The following GPC5 variants were observed in gnomAD, a reference collection of about 807,000 sequenced individuals.
GPC5 encodes the protein glypican-5.
GPC5 carries 47 observed loss-of-function variants against 53.9 expected under a neutral mutation model. The ratio of observed to expected loss-of-function variants is 0.87; its 90% confidence interval spans 0.69 to 1.11. The LOEUF (loss-of-function observed/expected upper bound fraction) is 1.11. Among genes scored for constraint, GPC5 ranks in the 50% most tolerant of loss-of-function variants. The probability of loss-of-function intolerance (pLI) is 0.00; values close to 1 mark genes in which losing one functional copy is unlikely to be tolerated. For missense variants in GPC5, 748 were observed against 713.1 expected, an observed-to-expected ratio of 1.05 and a Z score of -0.56; for synonymous variants, 286 against 263.3, an observed-to-expected ratio of 1.09 and a Z score of -0.84.
intron 7 of GPC5, among the ~76,000 whole-genome samples, chr13:92,618,161 A>C (rs912689748): frequency 1.3e-5 from 2 of 152,136 alleles, no homozygotes; most frequent in Non-Finnish European, 2.9e-5. Flanking sequence ...ACCTATAAAA[A>C]ATAAGGGAAA....
chr13:92,309,257 T>G (rs1044809686), intron 7 of GPC5, among the ~76,000 whole-genome samples: 2 of 152,046 alleles, frequency 1.3e-5, no homozygotes, highest in Non-Finnish European at 2.9e-5. Context: ...ATACACATAG[T>G]TCCTTCACTA....
At chr13:91,856,662 G>C (rs1344487355) in intron 5 of GPC5, among the ~76,000 whole-genome samples, 1 of 150,958 alleles carries the variant, frequency 6.6e-6, no homozygotes, top group Non-Finnish European at 1.5e-5. Context: ...TTGATGTGTA[G>C]GATTTCTTTA....
intron 5 of GPC5, among the ~76,000 whole-genome samples, chr13:91,767,434 T>G (rs796736348): frequency 1.8e-4 from 28 of 152,356 alleles, no homozygotes; most frequent in African/African-American, 6.7e-4. Context: ...GAATGTTCAC[T>G]CACTGGTTAG....
intron 7 of GPC5, among the ~76,000 whole-genome samples, chr13:92,399,888 TCC>T (rs1875479659): frequency 6.6e-6 from 1 of 152,318 alleles, no homozygotes; most frequent in South Asian, 2.1e-4. Flanking sequence ...TTACTTGTTT[TCC>T]CAGGAGTATT....
chr13:92,519,789 C>G (rs955922715), intron 7 of GPC5, among the ~76,000 whole-genome samples: 1 of 151,526 alleles, frequency 6.6e-6, no homozygotes, highest in Non-Finnish European at 1.5e-5. Flanking sequence ...AGAGAAGAAC[C>G]GAAGGAGATA....
intron 2 of GPC5, among the ~76,000 whole-genome samples, chr13:91,501,862 A>T (rs1375196885): frequency 6.6e-6 from 1 of 152,230 alleles, no homozygotes; most frequent in Non-Finnish European, 1.5e-5. Flanking sequence ...AGTTCCACCA[A>T]CAGTGTAAAA....
At chr13:92,291,871 G>T (rs998668092) in intron 7 of GPC5, among the ~76,000 whole-genome samples, 5 of 152,132 alleles carry the variant, frequency 3.3e-5, no homozygotes. Flanking sequence ...AAGGTCTGCA[G>T]CTTCACTCTT....
At chr13:91,796,130 A>G (rs1162098328) in intron 5 of GPC5, among the ~76,000 whole-genome samples, 3 of 151,802 alleles carry the variant, frequency 2.0e-5, no homozygotes, top group Non-Finnish European at 4.4e-5. Flanking sequence ...ATCTGGGGCC[A>G]TGTGGTGAGT....
At chr13:91,697,318 G>A (rs1015645029) in intron 3 of GPC5, among the ~76,000 whole-genome samples, 2 of 151,792 alleles carry the variant, frequency 1.3e-5, no homozygotes, top group Admixed American at 1.3e-4. Context: ...AATTTTTGTA[G>A]TTTTAGTAGA....
chr13:92,842,448 G>A (rs1050300796), intron 7 of GPC5, among the ~76,000 whole-genome samples: 6 of 152,038 alleles, frequency 3.9e-5, no homozygotes, highest in African/African-American at 7.2e-5. Context: ...CCAAGTTTAC[G>A]GCAAGCAGTA....
chr13:92,319,410 TAAAA>T (rs67635557), intron 7 of GPC5, among the ~76,000 whole-genome samples: 3 of 108,716 alleles, frequency 2.8e-5, no homozygotes, highest in Admixed American at 9.4e-5. Context: ...TCTCTGAAAC[TAAAA>T]AAAAAAAAAA....
intron 7 of GPC5, among the ~76,000 whole-genome samples, chr13:92,426,101 T>G (rs890738845): frequency 6.6e-6 from 1 of 152,106 alleles, no homozygotes; most frequent in Non-Finnish European, 1.5e-5. Context: ...ATGCTTTACT[T>G]TGACATACCA....
chr13:92,267,945 A>G (rs1001786214), intron 7 of GPC5, among the ~76,000 whole-genome samples: 1 of 152,082 alleles, frequency 6.6e-6, no homozygotes, highest in Admixed American at 6.5e-5. Context: ...TTTATCTCAC[A>G]GTTATATTTT....
intron 7 of GPC5, among the ~76,000 whole-genome samples, chr13:92,561,915 T>C (rs7330553): frequency 0.047 from 7,116 of 152,064 alleles, 486 homozygotes; most frequent in African/African-American, 0.15. Flanking sequence ...ACTATCCAAA[T>C]TGACTGTTGT....
intron 5 of GPC5, among the ~76,000 whole-genome samples, chr13:91,899,685 T>C (rs900695883): frequency 6.6e-6 from 1 of 152,060 alleles, no homozygotes; most frequent in Non-Finnish European, 1.5e-5. Flanking sequence ...CTAAATCCAA[T>C]GTAAATGTCC....
chr13:91,777,641 T>G (rs527843440), intron 5 of GPC5, among the ~76,000 whole-genome samples: 1 of 152,320 alleles, frequency 6.6e-6, no homozygotes, highest in East Asian at 1.9e-4. Context: ...ATTTATTGTA[T>G]TTTAAATTAA....
At chr13:91,976,717 A>C (rs2040305824) in intron 6 of GPC5, among the ~76,000 whole-genome samples, 1 of 152,138 alleles carries the variant, frequency 6.6e-6, no homozygotes, top group South Asian at 2.1e-4. Context: ...GAAGAAACTC[A>C]GATAAGACAA....
At chr13:91,948,030 C>T (rs1482569699) in intron 6 of GPC5, among the ~76,000 whole-genome samples, 1 of 151,938 alleles carries the variant, frequency 6.6e-6, no homozygotes, top group Admixed American at 6.6e-5. Context: ...GTCACGTGAC[C>T]ATCCTGGCTA....
chr13:92,392,664 G>A (rs957242282), intron 7 of GPC5, among the ~76,000 whole-genome samples: 1 of 152,092 alleles, frequency 6.6e-6, no homozygotes, highest in Admixed American at 6.5e-5. Flanking sequence ...TCTGACAAGG[G>A]TCTGATAGCC....
Sources: gnomAD v4.1 joint callset for allele counts (sites outside exome capture counted in the v4.1 genomes callset) on GRCh38, gnomAD v4.1.1 for gene constraint, MANE v1.5 for transcripts, NCBI Gene and HGNC (gene_info 2026-07-23, HGNC 2026-07-21) for gene names.